LOC128125822: variants seen among roughly 807,000 people sequenced by gnomAD.
At chr6:63,580,112 C>A in the LOC128125822 span, 2 of 1,613,332 alleles carry the variant, frequency 1.2e-6, no homozygotes, top group Admixed American at 1.7e-5. Flanking sequence ...GAAGTATCGT[C>A]CTAAAATGCG....
chr6:63,576,797 G>A, the LOC128125822 span: 1 of 1,079,700 alleles, frequency 9.3e-7, no homozygotes, highest in Non-Finnish European at 1.4e-6. Flanking sequence ...TATTGAAGTA[G>A]ACTTCAGTTT....
chr6:63,578,660 T>C, the LOC128125822 span: 14 of 1,325,972 alleles, frequency 1.1e-5, no homozygotes, highest in Non-Finnish European at 1.4e-5. Flanking sequence ...ATTATATTAT[T>C]GTGCAGAATC....
chr6:63,578,945 T>A, the LOC128125822 span: 1 of 1,603,420 alleles, frequency 6.2e-7, no homozygotes, highest in Non-Finnish European at 8.5e-7. Context: ...AGATTGTTGA[T>A]GACTGGTTAA....
the LOC128125822 span, chr6:63,579,263 A>G: frequency 6.2e-7 from 1 of 1,610,004 alleles, no homozygotes; most frequent in Non-Finnish European, 8.5e-7. Context: ...CCAGAGCTCC[A>G]GTACTTGTTG....
At chr6:63,577,588 G>A in the LOC128125822 span, among the ~76,000 whole-genome samples, 27 of 151,804 alleles carry the variant, frequency 1.8e-4, no homozygotes, top group African/African-American at 6.0e-4. Flanking sequence ...ATGGAGTCTC[G>A]TTCTGTCACC....
chr6:63,578,517 T>C, the LOC128125822 span: 2 of 1,611,610 alleles, frequency 1.2e-6, no homozygotes, highest in Non-Finnish European at 1.7e-6. Flanking sequence ...AGAAAGAAGG[T>C]ATCCATGTTC....
the LOC128125822 span, chr6:63,578,960 T>C: frequency 6.2e-7 from 1 of 1,607,964 alleles, no homozygotes; most frequent in South Asian, 1.1e-5. Flanking sequence ...GGTTAAGTCT[T>C]GTGAAAATTA....
At chr6:63,582,422 A>G in the LOC128125822 span, 1 of 152,540 alleles carries the variant, frequency 6.6e-6, no homozygotes, top group Non-Finnish European at 1.5e-5. Flanking sequence ...TACTTTATAA[A>G]CCTTATCTGT....
At chr6:63,580,157 A>T in the LOC128125822 span, 1 of 1,611,502 alleles carries the variant, frequency 6.2e-7, no homozygotes, top group Non-Finnish European at 8.5e-7. Flanking sequence ...TCATAGAAAC[A>T]ACTGTTGCAT....
chr6:63,578,556 T>C, the LOC128125822 span: 1 of 1,601,318 alleles, frequency 6.2e-7, no homozygotes. Context: ...TCTTATGGGT[T>C]TATGGTGCTG....
the LOC128125822 span, chr6:63,581,265 C>T: frequency 1.3e-5 from 2 of 152,202 alleles, no homozygotes; most frequent in East Asian, 3.9e-4. Context: ...GGATACTTGA[C>T]AATTTGTTTT....
the LOC128125822 span, chr6:63,572,501 C>A: frequency 7.7e-6 from 3 of 390,480 alleles, no homozygotes; most frequent in East Asian, 7.3e-5. Context: ...TGTATTGGCT[C>A]CTTCGGCTGC....
At chr6:63,581,082 A>G in the LOC128125822 span, 1 of 152,064 alleles carries the variant, frequency 6.6e-6, no homozygotes, top group Non-Finnish European at 1.5e-5. Flanking sequence ...AAATTCTTGT[A>G]ATTTTTTTCC....
At chr6:63,572,498 G>A in the LOC128125822 span, 3 of 390,284 alleles carry the variant, frequency 7.7e-6, no homozygotes, top group Non-Finnish European at 1.4e-5. Context: ...GCGTGTATTG[G>A]CTCCTTCGGC....
At chr6:63,578,879 A>G in the LOC128125822 span, 1 of 1,508,880 alleles carries the variant, frequency 6.6e-7, no homozygotes, top group Non-Finnish European at 8.9e-7. Context: ...TAAAATGTTT[A>G]AATATTCTTC....
At chr6:63,577,036 G>T in the LOC128125822 span, 6 of 1,397,382 alleles carry the variant, frequency 4.3e-6, no homozygotes, top group South Asian at 4.9e-5. Context: ...TATAATAGTG[G>T]GACTTATAGC....
the LOC128125822 span, chr6:63,581,005 CTTTAA>C: frequency 3.3e-5 from 5 of 152,104 alleles, no homozygotes; most frequent in African/African-American, 1.2e-4. Context: ...AGAATATGCT[CTTTAA>C]TTTAGTAAAA....
the LOC128125822 span, chr6:63,579,142 T>A: frequency 5.1e-6 from 7 of 1,375,112 alleles, no homozygotes; most frequent in East Asian, 1.8e-4. Flanking sequence ...TCATAGGTAT[T>A]ACTTAAATAG....
the LOC128125822 span, among the ~76,000 whole-genome samples, chr6:63,578,234 A>G: frequency 6.6e-6 from 1 of 152,222 alleles, no homozygotes; most frequent in African/African-American, 2.4e-5. Context: ...ATGGTATTTA[A>G]TATTCACTTT....
Sources: allele counts gnomAD v4.1 joint callset (sites outside exome capture counted in the v4.1 genomes callset), GRCh38; gene constraint gnomAD v4.1.1; transcripts MANE v1.5.